The following HS3ST4 variants were observed in gnomAD, a reference collection of about 807,000 sequenced individuals.
The protein encoded by HS3ST4 is heparan sulfate-glucosamine 3-sulfotransferase 4, also known as heparan sulfate glucosamine 3-O-sulfotransferase 4.
A neutral mutation model predicts 29.2 loss-of-function variants in HS3ST4; 17 were observed. The ratio of observed to expected loss-of-function variants is 0.58; its 90% CI spans 0.40 to 0.87. HS3ST4 has a LOEUF of 0.87. Among genes scored for constraint, HS3ST4 ranks in the 40% least tolerant of loss-of-function variants. The probability of loss-of-function intolerance (pLI) is 0.00; values close to 1 mark genes in which losing one functional copy is unlikely to be tolerated. For missense variants in HS3ST4, 627 were observed against 634.5 expected (o/e 0.99, Z 0.13); for synonymous variants, 314 against 285.7 (o/e 1.10, Z -1.00).
chr16:26,062,199 C>A (rs1352792470), intron 1 of HS3ST4, among the ~76,000 whole-genome samples: 7 of 152,336 alleles, frequency 4.6e-5, no homozygotes, highest in Admixed American at 4.6e-4. Flanking sequence ...CCAAATTCAA[C>A]CCAACTTCTT....
At chr16:25,900,883 G>T (rs1968114484) in intron 1 of HS3ST4, among the ~76,000 whole-genome samples, 1 of 152,088 alleles carries the variant, frequency 6.6e-6, no homozygotes, top group Admixed American at 6.5e-5. Flanking sequence ...TGTAGTCCTA[G>T]ATTACATGAT....
At chr16:25,765,376 C>A (rs1294728943) in intron 1 of HS3ST4, among the ~76,000 whole-genome samples, 1 of 152,180 alleles carries the variant, frequency 6.6e-6, no homozygotes, top group Non-Finnish European at 1.5e-5. Context: ...TCGCCAGGAG[C>A]CGCTTGCCGC....
At chr16:26,111,824 T>C (rs1462727996) in intron 1 of HS3ST4, among the ~76,000 whole-genome samples, 1 of 152,084 alleles carries the variant, frequency 6.6e-6, no homozygotes, top group Non-Finnish European at 1.5e-5. Context: ...TGAGACCAAC[T>C]TGGCCAACAT....
At chr16:25,751,848 T>C (rs1382045394) in intron 1 of HS3ST4, among the ~76,000 whole-genome samples, 1 of 152,216 alleles carries the variant, frequency 6.6e-6, no homozygotes, top group Non-Finnish European at 1.5e-5. Flanking sequence ...GAAAGGCTGG[T>C]ACTGGAGCAA....
At chr16:25,854,173 A>G (rs982892371) in intron 1 of HS3ST4, among the ~76,000 whole-genome samples, 2 of 151,994 alleles carry the variant, frequency 1.3e-5, no homozygotes, top group Non-Finnish European at 2.9e-5. Flanking sequence ...CAGTGGCACA[A>G]TGATAGCTCA....
intron 1 of HS3ST4, among the ~76,000 whole-genome samples, chr16:25,721,884 G>A: frequency 6.6e-6 from 1 of 152,176 alleles, no homozygotes; most frequent in East Asian, 1.9e-4. Flanking sequence ...TGATTCAAAT[G>A]CATATTTATG....
intron 1 of HS3ST4, among the ~76,000 whole-genome samples, chr16:26,098,628 A>G (rs901945283): frequency 2.6e-5 from 4 of 152,158 alleles, no homozygotes; most frequent in Non-Finnish European, 5.9e-5. Context: ...AAAAATACCT[A>G]ATGTAAATGA....
chr16:25,798,373 C>T (rs1193891373), intron 1 of HS3ST4, among the ~76,000 whole-genome samples: 1 of 152,190 alleles, frequency 6.6e-6, no homozygotes, highest in Non-Finnish European at 1.5e-5. Flanking sequence ...TATGTTGGGT[C>T]AGCTGTACTT....
chr16:25,969,648 T>C (rs1309114403), intron 1 of HS3ST4, among the ~76,000 whole-genome samples: 4 of 152,206 alleles, frequency 2.6e-5, no homozygotes, highest in Non-Finnish European at 5.9e-5. Context: ...ATGAAGGCAC[T>C]GGTACCTTAC....
chr16:25,828,033 T>C (rs1369003648), intron 1 of HS3ST4, among the ~76,000 whole-genome samples: 1 of 152,034 alleles, frequency 6.6e-6, no homozygotes, highest in Non-Finnish European at 1.5e-5. Context: ...AGATTTCTGA[T>C]AGAGGTAAAT....
intron 1 of HS3ST4, among the ~76,000 whole-genome samples, chr16:25,996,001 T>C (rs1199566567): frequency 7.2e-6 from 1 of 138,068 alleles, no homozygotes; most frequent in South Asian, 2.4e-4. Context: ...TCTTCCTCCT[T>C]GAAAAAAAAA....
chr16:26,024,983 C>T (rs1969452566), intron 1 of HS3ST4, among the ~76,000 whole-genome samples: 1 of 152,128 alleles, frequency 6.6e-6, no homozygotes, highest in Non-Finnish European at 1.5e-5. Flanking sequence ...GTGGACCTCC[C>T]CTCTCCCATT....
chr16:26,117,674 C>G (rs1372374317), intron 1 of HS3ST4, among the ~76,000 whole-genome samples: 1 of 152,212 alleles, frequency 6.6e-6, no homozygotes, highest in African/African-American at 2.4e-5. Context: ...AGATGGAGGC[C>G]TGCCGGAGCC....
intron 1 of HS3ST4, among the ~76,000 whole-genome samples, chr16:25,887,459 G>T (rs1340700701): frequency 6.6e-6 from 1 of 152,108 alleles, no homozygotes; most frequent in African/African-American, 2.4e-5. Context: ...TAGTCAATGG[G>T]AAAGGGTTGT....
chr16:25,823,517 T>C (rs1967183878), intron 1 of HS3ST4, among the ~76,000 whole-genome samples: 1 of 152,202 alleles, frequency 6.6e-6, no homozygotes, highest in Non-Finnish European at 1.5e-5. Context: ...ATTGGAATTA[T>C]AAGATTTTCA....
chr16:25,950,877 A>G (rs1968677682), intron 1 of HS3ST4, among the ~76,000 whole-genome samples: 1 of 152,176 alleles, frequency 6.6e-6, no homozygotes. Context: ...AAGGCTCAGC[A>G]TGGGATAGGC....
intron 1 of HS3ST4, among the ~76,000 whole-genome samples, chr16:25,981,704 A>G (rs532484089): frequency 6.6e-6 from 1 of 150,698 alleles, no homozygotes; most frequent in East Asian, 2.0e-4. Context: ...CCTTTGGACT[A>G]TATAAGCCCA....
At chr16:25,857,486 C>A (rs192665582) in intron 1 of HS3ST4, among the ~76,000 whole-genome samples, 3 of 152,120 alleles carry the variant, frequency 2.0e-5, no homozygotes, top group African/African-American at 7.2e-5. Context: ...TTCTTTTATA[C>A]ACTTCTGCGT....
At chr16:26,020,190 A>T (rs1969399527) in intron 1 of HS3ST4, among the ~76,000 whole-genome samples, 1 of 152,326 alleles carries the variant, frequency 6.6e-6, no homozygotes, top group African/African-American at 2.4e-5. Context: ...CACCTTTGAC[A>T]GTTGACAGTG....
Sources: gnomAD v4.1 joint callset for allele counts (sites outside exome capture counted in the v4.1 genomes callset) on GRCh38, gnomAD v4.1.1 for gene constraint, MANE v1.5 for transcripts, NCBI Gene and HGNC (gene_info 2026-07-23, HGNC 2026-07-21) for gene names.